SLIT3: variants seen among roughly 807,000 people sequenced by gnomAD.
SLIT3 encodes slit guidance ligand 3.
A neutral mutation model predicts 184.0 loss-of-function variants in SLIT3; 68 were observed. The ratio of observed to expected loss-of-function variants is 0.37; its 90% CI spans 0.30 to 0.45. SLIT3 has a LOEUF of 0.45. Among genes scored for constraint, SLIT3 ranks in the 20% least tolerant of loss-of-function variants. The pLI, the probability that SLIT3 is intolerant of heterozygous loss-of-function variation, is 1.00. For missense variants in SLIT3, 1,707 were observed against 2,026.0 expected, an observed-to-expected ratio of 0.84 and a Z score of 3.02; for synonymous variants, 831 against 828.6, an observed-to-expected ratio of 1.00 and a Z score of -0.05.
chr5:168,865,466 T>C (rs1759264739), intron 5 of SLIT3, among the ~76,000 whole-genome samples: 1 of 152,188 alleles, frequency 6.6e-6, no homozygotes, highest in Admixed American at 6.5e-5. Flanking sequence ...CTACGCTAAG[T>C]GAAAGATGTT....
intron 4 of SLIT3, among the ~76,000 whole-genome samples, chr5:168,951,458 C>G (rs1762649416): frequency 6.6e-6 from 1 of 152,110 alleles, no homozygotes; most frequent in South Asian, 2.1e-4. Flanking sequence ...CTATGTTTTT[C>G]TGCCAGCATT....
intron 4 of SLIT3, among the ~76,000 whole-genome samples, chr5:169,117,846 G>T (rs1466229214): frequency 3.3e-5 from 5 of 152,110 alleles, no homozygotes; most frequent in African/African-American, 9.7e-5. Context: ...AAAACTCTAG[G>T]TTCTCTCCTT....
chr5:169,101,779 C>T (rs1477010325), intron 4 of SLIT3, among the ~76,000 whole-genome samples: 1 of 152,204 alleles, frequency 6.6e-6, no homozygotes, highest in Non-Finnish European at 1.5e-5. Context: ...TCTGGCTACC[C>T]TCACCACAGG....
intron 4 of SLIT3, among the ~76,000 whole-genome samples, chr5:168,955,949 A>C (rs1410030909): frequency 6.6e-6 from 1 of 152,154 alleles, no homozygotes; most frequent in Non-Finnish European, 1.5e-5. Flanking sequence ...GTGCTAAAAG[A>C]TGGAGACCAG....
intron 7 of SLIT3, among the ~76,000 whole-genome samples, chr5:168,821,157 A>G (rs1757517806): frequency 6.6e-6 from 1 of 152,210 alleles, no homozygotes. Flanking sequence ...GAATGACAAC[A>G]GAAACCAGTA....
intron 4 of SLIT3, among the ~76,000 whole-genome samples, chr5:168,988,753 G>A (rs889467654): frequency 2.0e-5 from 3 of 152,070 alleles, no homozygotes; most frequent in Non-Finnish European, 4.4e-5. Flanking sequence ...TTGGCACACT[G>A]GAGGAGAATC....
At chr5:169,272,285 T>C (rs1375440715) in intron 1 of SLIT3, among the ~76,000 whole-genome samples, 1 of 152,240 alleles carries the variant, frequency 6.6e-6, no homozygotes, top group Non-Finnish European at 1.5e-5. Context: ...AGTTCTACTC[T>C]GGAGATGTTC....
In SLIT3 at chr5:169,137,333, C is replaced by CAGAGAG. The variant is rs1324720274; in HGVS notation, c.413+56145_413+56146insCTCTCT. 9.5e-4 allele frequency among the ~76,000 whole-genome samples: 123 copies of CAGAGAG among 129,444 alleles called. No homozygotes were observed. In the East Asian group the frequency reaches 0.013, roughly 14 times the overall value. The allele number at this position is 129,444 out of a possible 152,430, so 84.9% of individuals were successfully genotyped here. On this transcript the variant is annotated intron_variant, in intron 4 of 35. Transcript: ENST00000519560. The stretch of plus-strand genomic sequence containing the variant: ...ACACACACACACACACACACACACA[C>CAGAGAG]ACAGAGAGAGAGAGAGAGAGAGAAA...
intron 23 of SLIT3, among the ~76,000 whole-genome samples, chr5:168,715,543 G>GGGGCTGCT (rs1762697049): frequency 1.3e-5 from 2 of 152,220 alleles, no homozygotes; most frequent in Admixed American, 6.5e-5. Flanking sequence ...TTAATTTTGT[G>GGGGCTGCT]GGGCTGCTAA....
At chr5:168,671,160 G>C in intron 34 of SLIT3, 38 bp downstream of exon 34, 1 of 1,585,498 alleles carries the variant, frequency 6.3e-7, no homozygotes, top group Non-Finnish European at 8.6e-7. Context: ...GCCATTCTGG[G>C]AGCTCGAGCA....
intron 1 of SLIT3, among the ~76,000 whole-genome samples, chr5:169,264,467 C>T (rs749084393): frequency 3.3e-5 from 5 of 152,108 alleles, no homozygotes; most frequent in Non-Finnish European, 5.9e-5. Context: ...CGTGAGCCAC[C>T]GTGCCTGGCC....
chr5:169,058,174 G>A (rs1371867068), intron 4 of SLIT3, among the ~76,000 whole-genome samples: 4 of 152,246 alleles, frequency 2.6e-5, no homozygotes, highest in African/African-American at 4.8e-5. Flanking sequence ...CCTATTAAAA[G>A]CTACCATCAG....
At chr5:168,879,982 T>C (rs1345286868) in intron 5 of SLIT3, among the ~76,000 whole-genome samples, 1 of 152,240 alleles carries the variant, frequency 6.6e-6, no homozygotes, top group Admixed American at 6.5e-5. Context: ...TTTGCCATCA[T>C]TCTCTGTATT....
At chr5:169,052,202 G>A (rs539039040) in intron 4 of SLIT3, among the ~76,000 whole-genome samples, 13 of 152,108 alleles carry the variant, frequency 8.5e-5, no homozygotes, top group Non-Finnish European at 1.9e-4. Context: ...ATGGAAACAT[G>A]AAAAGAAAAT....
chr5:169,037,436 A>G (rs182217212), intron 4 of SLIT3, among the ~76,000 whole-genome samples: 21 of 152,318 alleles, frequency 1.4e-4, no homozygotes, highest in South Asian at 8.3e-4. Context: ...GCATAACCAA[A>G]CAGTGCTCAG....
At chr5:168,846,259 C>A (rs950208297) in intron 5 of SLIT3, among the ~76,000 whole-genome samples, 1 of 152,160 alleles carries the variant, frequency 6.6e-6, no homozygotes, top group East Asian at 1.9e-4. Context: ...ACAGGCATCT[C>A]GAGAAGCAGA....
chr5:169,060,415 C>G (rs528470321), intron 4 of SLIT3, among the ~76,000 whole-genome samples: 1 of 152,032 alleles, frequency 6.6e-6, no homozygotes, highest in East Asian at 1.9e-4. Context: ...AACAAACAAA[C>G]AAAAAACACT....
chr5:169,092,439 C>G (rs1264638385), intron 4 of SLIT3, among the ~76,000 whole-genome samples: 1 of 152,102 alleles, frequency 6.6e-6, no homozygotes, highest in African/African-American at 2.4e-5. Context: ...GTATTCCATC[C>G]CATTCCATTT....
chr5:169,196,519 A>G (rs1260958055), intron 3 of SLIT3, among the ~76,000 whole-genome samples: 1 of 152,186 alleles, frequency 6.6e-6, no homozygotes, highest in Non-Finnish European at 1.5e-5. Flanking sequence ...GTCAAACGCC[A>G]TGCCACGTGC....
Sources: allele counts gnomAD v4.1 joint callset (sites outside exome capture counted in the v4.1 genomes callset), GRCh38; gene constraint gnomAD v4.1.1; transcripts MANE v1.5; gene names NCBI Gene and HGNC (gene_info 2026-07-23, HGNC 2026-07-21).